CCDC171: variants seen among roughly 807,000 people sequenced by gnomAD.
CCDC171 encodes coiled-coil domain-containing protein 171.
CCDC171 carries 177 observed loss-of-function variants against 168.2 expected under a neutral mutation model. The ratio of observed to expected loss-of-function variants is 1.05; its 90% confidence interval spans 0.93 to 1.19. The LOEUF is 1.19. Among genes scored for constraint, CCDC171 ranks in the 50% most tolerant of loss-of-function variants. CCDC171 has a pLI of 0.00. For synonymous variants in CCDC171, 687 were observed against 540.8 expected (o/e 1.27, Z -3.75); for missense variants, 1,991 against 1,539.0 (o/e 1.29, Z -4.91).
intron 25 of CCDC171, among the ~76,000 whole-genome samples, chr9:15,963,144 A>G (rs929316562): frequency 2.0e-5 from 3 of 152,108 alleles, no homozygotes; most frequent in Non-Finnish European, 4.4e-5. Flanking sequence ...GAACACATGG[A>G]CACAGGAAGG....
chr9:15,835,747 C>T (rs2060417914), intron 21 of CCDC171, among the ~76,000 whole-genome samples: 2 of 152,046 alleles, frequency 1.3e-5, no homozygotes, highest in African/African-American at 4.8e-5. Flanking sequence ...TTTTTAATTA[C>T]ATAAAGTTTA....
intron 10 of CCDC171, among the ~76,000 whole-genome samples, chr9:15,686,378 T>C (rs541756781): frequency 6.6e-6 from 1 of 152,194 alleles, no homozygotes; most frequent in East Asian, 1.9e-4. Flanking sequence ...ACAATCTTGG[T>C]CATGCAGGGT....
At chr9:15,906,219 C>G (rs1170889939) in intron 24 of CCDC171, among the ~76,000 whole-genome samples, 1 of 151,998 alleles carries the variant, frequency 6.6e-6, no homozygotes, top group East Asian at 1.9e-4. Flanking sequence ...AGACACAACC[C>G]AAAAAGAGAA....
intron 25 of CCDC171, among the ~76,000 whole-genome samples, chr9:15,932,774 A>G (rs192652418): frequency 9.2e-5 from 14 of 151,904 alleles, no homozygotes; most frequent in African/African-American, 3.4e-4. Context: ...TGAGGTACAT[A>G]CCTTCTATTC....
At chr9:15,791,547 A>G (rs1421964725) in intron 21 of CCDC171, among the ~76,000 whole-genome samples, 1 of 152,170 alleles carries the variant, frequency 6.6e-6, no homozygotes, top group Non-Finnish European at 1.5e-5. Flanking sequence ...GCAAACAGGG[A>G]CAATTTGACT....
rs563039917 is a variant in CCDC171, at chr9:15,901,893, A to T, written c.3601-18377A>T. Among the ~76,000 whole-genome samples, 3 of 152,308 alleles carry T rather than the reference A, an allele frequency of 2.0e-5. No homozygotes were observed. In the East Asian group the frequency reaches 5.8e-4, roughly 29 times the overall value. ...TTATTTTACATAGTACAGTCTTTAT[A>T]ATAGTTTATAATGAGATGAGAGACT... On this transcript the variant is annotated intron_variant, in intron 24 of 25. Coordinates refer to ENST00000380701, the MANE Select transcript of CCDC171 (RefSeq NM_173550.4).
chr9:15,779,549 G>A (rs926126408), intron 20 of CCDC171, among the ~76,000 whole-genome samples: 13 of 152,080 alleles, frequency 8.5e-5, no homozygotes, highest in Non-Finnish European at 1.8e-4. Flanking sequence ...TAGTAGAGAT[G>A]GAATTTCTCC....
intron 3 of CCDC171, among the ~76,000 whole-genome samples, chr9:15,984,844 G>T (rs960871851): frequency 6.6e-6 from 1 of 152,256 alleles, no homozygotes; most frequent in African/African-American, 2.4e-5. Flanking sequence ...AACAAAAACA[G>T]ATATTGTGCT....
intron 25 of CCDC171, among the ~76,000 whole-genome samples, chr9:15,946,062 G>T (rs1828334735): frequency 6.6e-6 from 1 of 151,884 alleles, no homozygotes; most frequent in African/African-American, 2.4e-5. Context: ...TTAGTATAAG[G>T]TGTAAGGAAG....
chr9:15,670,311 A>G (rs898038432), intron 9 of CCDC171, among the ~76,000 whole-genome samples: 2 of 152,172 alleles, frequency 1.3e-5, no homozygotes, highest in Non-Finnish European at 1.5e-5. Context: ...GATGCACTTA[A>G]TTATCTATTT....
intron 24 of CCDC171, among the ~76,000 whole-genome samples, chr9:15,876,311 A>C (rs1563920846): frequency 6.6e-6 from 1 of 152,254 alleles, no homozygotes; most frequent in South Asian, 2.1e-4. Context: ...AGGAGACATT[A>C]GTGATAATAA....
intron 7 of CCDC171, among the ~76,000 whole-genome samples, chr9:15,634,038 G>A (rs934815000): frequency 6.6e-6 from 1 of 152,014 alleles, no homozygotes; most frequent in Non-Finnish European, 1.5e-5. Context: ...GGTGGGGAGA[G>A]GGGGGCGGGA....
intron 8 of CCDC171, among the ~76,000 whole-genome samples, chr9:15,660,513 G>A (rs1587801639): frequency 2.0e-5 from 3 of 152,018 alleles, no homozygotes; most frequent in South Asian, 2.1e-4. Flanking sequence ...TATTGCTGTC[G>A]TCTTTATGTC....
the CCDC171 span, among the ~76,000 whole-genome samples, chr9:16,104,279 C>T: frequency 6.6e-6 from 1 of 152,030 alleles, no homozygotes; most frequent in Admixed American, 6.5e-5. Context: ...CCAGCTGCCT[C>T]CCCCTCCCCA....
chr9:15,712,577 T>G (rs2052750576), intron 11 of CCDC171, among the ~76,000 whole-genome samples: 1 of 152,184 alleles, frequency 6.6e-6, no homozygotes, highest in Non-Finnish European at 1.5e-5. Context: ...GGATGGTAGT[T>G]TGGTCAGAAA....
chr9:15,790,982 C>G (rs2058228745), intron 21 of CCDC171, among the ~76,000 whole-genome samples: 1 of 152,124 alleles, frequency 6.6e-6, no homozygotes, highest in Non-Finnish European at 1.5e-5. Context: ...CAGTACCGTG[C>G]TGTTTTGGTT....
intron 20 of CCDC171, among the ~76,000 whole-genome samples, chr9:15,779,406 C>G (rs796383126): frequency 3.3e-5 from 5 of 152,130 alleles, no homozygotes; most frequent in African/African-American, 1.2e-4. Context: ...GTTGCCCAGG[C>G]TGGAGTGCAG....
intron 3 of CCDC171, among the ~76,000 whole-genome samples, chr9:16,020,233 A>G (rs1247871830): frequency 1.3e-5 from 2 of 152,214 alleles, no homozygotes; most frequent in Non-Finnish European, 1.5e-5. Context: ...CTTTCAGGCT[A>G]TGTGTATAAT....
chr9:16,082,182 A>T, the CCDC171 span, among the ~76,000 whole-genome samples: 5 of 152,242 alleles, frequency 3.3e-5, no homozygotes, highest in African/African-American at 9.6e-5. Flanking sequence ...AACTGCCCTT[A>T]GGAAAGGTAT....
Sources: allele counts gnomAD v4.1 joint callset (sites outside exome capture counted in the v4.1 genomes callset), GRCh38; gene constraint gnomAD v4.1.1; transcripts MANE v1.5; gene names NCBI Gene and HGNC (gene_info 2026-07-23, HGNC 2026-07-21).